MICAL2: variants seen among roughly 807,000 people sequenced by gnomAD.
MICAL2 encodes microtubule associated monooxygenase, calponin and LIM domain containing 2.
A neutral mutation model predicts 127.3 loss-of-function variants in MICAL2; 77 were observed. That is an observed-to-expected ratio of 0.60 (90% CI 0.50 to 0.73). MICAL2 has a LOEUF of 0.73. Among genes scored for constraint, MICAL2 ranks in the 30% least tolerant of loss-of-function variants. MICAL2 has a pLI of 0.00. For missense variants in MICAL2, 1,351 were observed against 1,434.4 expected, an observed-to-expected ratio of 0.94 and a Z score of 0.94; for synonymous variants, 570 against 551.1, an observed-to-expected ratio of 1.03 and a Z score of -0.48.
intron 32 of MICAL2, among the ~76,000 whole-genome samples, chr11:12,335,117 T>G (rs28874710): frequency 0.68 from 94,079 of 138,634 alleles, 33,053 homozygotes; most frequent in Middle Eastern, 0.74. Flanking sequence ...AGCACCTGTT[T>G]TTTCCTGATT....
intron 2 of MICAL2, among the ~76,000 whole-genome samples, chr11:12,282,885 T>C (rs1863786954): frequency 6.6e-6 from 1 of 152,152 alleles, no homozygotes; most frequent in Non-Finnish European, 1.5e-5. Flanking sequence ...GGTGAGGGCA[T>C]GACAAAAAAA....
At chr11:12,175,718 G>A (rs1019694005) in intron 3 of MICAL2, among the ~76,000 whole-genome samples, 3 of 152,058 alleles carry the variant, frequency 2.0e-5, no homozygotes, top group Non-Finnish European at 4.4e-5. Flanking sequence ...GGTGACATTT[G>A]AGCAGAGACC....
At chr11:12,289,436 G>T (rs891259004), downstream of MICAL2, among the ~76,000 whole-genome samples, 13 of 152,220 alleles carry the variant, frequency 8.5e-5, no homozygotes, top group Non-Finnish European at 1.6e-4. Context: ...ATGGGCCAGG[G>T]CTTCAGCAAT....
intron 2 of MICAL2, among the ~76,000 whole-genome samples, chr11:12,142,803 G>A (rs550181903): frequency 2.6e-5 from 4 of 152,338 alleles, no homozygotes; most frequent in Non-Finnish European, 4.4e-5. Flanking sequence ...ACTTGTCCAT[G>A]CCCACAAGGG....
chr11:12,207,004 CCTT>C (rs1854775001), intron 4 of MICAL2, among the ~76,000 whole-genome samples: 1 of 149,466 alleles, frequency 6.7e-6, no homozygotes, highest in Non-Finnish European at 1.5e-5. Context: ...TCCATTCAAA[CCTT>C]CTAACGTCGC....
intron 1 of MICAL2, among the ~76,000 whole-genome samples, chr11:12,123,689 A>T (rs1850689002): frequency 6.6e-6 from 1 of 152,162 alleles, no homozygotes; most frequent in South Asian, 2.1e-4. Flanking sequence ...GCTTTCAGAC[A>T]TTTTATAATG....
upstream of MICAL2, among the ~76,000 whole-genome samples, chr11:12,274,132 AG>A (rs1863700750): frequency 1.3e-5 from 2 of 152,186 alleles, no homozygotes; most frequent in African/African-American, 2.4e-5. Context: ...TGAGGACACA[AG>A]AATGACACTG....
chr11:12,207,484 G>A (rs1260187411), intron 4 of MICAL2, among the ~76,000 whole-genome samples: 1 of 152,242 alleles, frequency 6.6e-6, no homozygotes, highest in Non-Finnish European at 1.5e-5. Context: ...TTTGAAGTGT[G>A]GGTAAGAGAT....
downstream of MICAL2, among the ~76,000 whole-genome samples, chr11:12,265,584 TAAC>T (rs1296375785): frequency 6.6e-6 from 1 of 152,132 alleles, no homozygotes; most frequent in Non-Finnish European, 1.5e-5. Flanking sequence ...CTAAATGTAA[TAAC>T]AAAGAAGTTC....
At chr11:12,170,918 A>T (rs1856168411) in intron 3 of MICAL2, among the ~76,000 whole-genome samples, 1 of 152,194 alleles carries the variant, frequency 6.6e-6, no homozygotes, top group African/African-American at 2.4e-5. Flanking sequence ...CACAGGGAAG[A>T]TGCACAGGGA....
At chr11:12,360,948 T>C (rs1939196576), downstream of MICAL2, among the ~76,000 whole-genome samples, 1 of 152,192 alleles carries the variant, frequency 6.6e-6, no homozygotes, top group Non-Finnish European at 1.5e-5. Flanking sequence ...ATTCCATTCC[T>C]TATTTACAAG....
At chr11:12,150,761 G>T (rs1411807057) in intron 2 of MICAL2, among the ~76,000 whole-genome samples, 1 of 152,170 alleles carries the variant, frequency 6.6e-6, no homozygotes, top group Admixed American at 6.5e-5. Flanking sequence ...CTTTAAGAGG[G>T]TGCCGGGCAG....
At chr11:12,334,709 G>GT (rs1164832043) in intron 32 of MICAL2, among the ~76,000 whole-genome samples, 1 of 148,732 alleles carries the variant, frequency 6.7e-6, no homozygotes, top group Admixed American at 6.8e-5. Context: ...GTGGTGTTTG[G>GT]TTTTTTTGTC....
chr11:12,249,502 C>T (rs982540588), intron 22 of MICAL2, among the ~76,000 whole-genome samples: 2 of 152,220 alleles, frequency 1.3e-5, no homozygotes, highest in Admixed American at 6.5e-5. Flanking sequence ...TGCCCTCCTA[C>T]CCCCAGCCCT....
chr11:12,324,027 A>G, exon 31 of MICAL2: 1 of 1,612,744 alleles, frequency 6.2e-7, no homozygotes, highest in South Asian at 1.1e-5. Context: ...GCAATGAAGC[A>G]GTTGGTTAAG....
chr11:12,268,367 A>G (rs1018629355), downstream of MICAL2, among the ~76,000 whole-genome samples: 2 of 152,204 alleles, frequency 1.3e-5, no homozygotes, highest in African/African-American at 4.8e-5. Flanking sequence ...GGCAGCAGAG[A>G]GCAGTTCCAG....
chr11:12,252,242 G>A (rs763414634), intron 22 of MICAL2, among the ~76,000 whole-genome samples: 22 of 152,344 alleles, frequency 1.4e-4, no homozygotes, highest in Non-Finnish European at 2.8e-4. Context: ...TTTCTTGGAA[G>A]CAGGGGCTAA....
downstream of MICAL2, among the ~76,000 whole-genome samples, chr11:12,295,765 A>G (rs1456168650): frequency 1.3e-5 from 2 of 152,160 alleles, no homozygotes; most frequent in East Asian, 3.8e-4. Context: ...TGTAGTATAC[A>G]TAAATGTGAT....
chr11:12,239,570 C>G lies in MICAL2; in HGVS notation c.2199C>G (p.Pro733=). The part of the protein sequence containing the change: ...LAKFEESTRN[P]SLMKQERRVS... Reference sequence around the variant, plus strand: ...AGTTTGAGGAGAGCACTCGGAACCCCTCACTCATGAAGCAGGTGAGTCATG... The same window carrying G: ...AGTTTGAGGAGAGCACTCGGAACCCGTCACTCATGAAGCAGGTGAGTCATG... Residue 733 remains proline (P), a synonymous_variant, in exon 17 of 28, where the codon CCC becomes CCG. Transcript: ENST00000683283. 1 of 1,614,132 alleles carries G rather than the reference C, an allele frequency of 6.2e-7. No homozygotes were observed. The highest frequency in any genetic ancestry group is 8.5e-7 in the Non-Finnish European group (1 of 1,179,992).
Sources: gnomAD v4.1 joint callset for allele counts (sites outside exome capture counted in the v4.1 genomes callset) on GRCh38, gnomAD v4.1.1 for gene constraint, MANE v1.5 for transcripts, NCBI Gene and HGNC (gene_info 2026-07-23, HGNC 2026-07-21) for gene names.